GART: variants seen among roughly 807,000 people sequenced by gnomAD.
GART encodes phosphoribosylglycinamide formyltransferase, phosphoribosylglycinamide synthetase, phosphoribosylaminoimidazole synthetase.
Under a neutral mutation model 107.2 loss-of-function variants are expected in GART, and 43 were observed. The ratio of observed to expected loss-of-function variants is 0.40; its 90% CI spans 0.31 to 0.52. GART has a LOEUF of 0.52. Ranked by LOEUF, GART falls within the 20% of genes least tolerant of loss-of-function variation. The probability of loss-of-function intolerance (pLI) is 0.52; values close to 1 mark genes in which losing one functional copy is unlikely to be tolerated. For synonymous variants in GART, 434 were observed against 427.0 expected (o/e 1.02, Z -0.20); for missense variants, 1,107 against 1,206.5 (o/e 0.92, Z 1.22).
At position 33,530,127 on chromosome 21, in the gene GART, G is replaced by A. The variant is rs145570838; in HGVS notation, c.723+632C>T. Among the ~76,000 whole-genome samples, 521 of 152,360 alleles carry A rather than the reference G, an allele frequency of 3.4e-3. 1 individual carries two copies. Among genetic ancestry groups the A allele is most frequent in the Non-Finnish European group, 5.0e-3 (337 of 68,034 alleles). On this transcript the variant is annotated intron_variant, in intron 7 of 21. Coordinates refer to ENST00000381815, the MANE Select transcript of GART (RefSeq NM_000819.5). ...GAATCACTTGAACCCAGGAGGTGGA[G>A]GATGTAGTGAGCCAAGATCGTGCCA... is the stretch of plus-strand genomic sequence containing the variant.
intron 16 of GART, among the ~76,000 whole-genome samples, chr21:33,515,522 C>G (rs1012546048): frequency 1.3e-5 from 2 of 151,946 alleles, no homozygotes; most frequent in African/African-American, 4.8e-5. Context: ...CACCTGTAGT[C>G]CCAGCTACTT....
intron 7 of GART, among the ~76,000 whole-genome samples, chr21:33,530,376 T>C (rs2085161554): frequency 6.6e-6 from 1 of 152,206 alleles, no homozygotes; most frequent in South Asian, 2.1e-4. Context: ...AATTCTGATG[T>C]GACTTGGTTC....
chr21:33,510,014 T>C (rs1415506164), intron 17 of GART, 94 bp from the exon 18 acceptor site: 5 of 1,128,730 alleles, frequency 4.4e-6, no homozygotes, highest in East Asian at 5.0e-5. Context: ...CTTTAGGGTA[T>C]GTTTTATCCT....
intron 10 of GART, among the ~76,000 whole-genome samples, chr21:33,526,950 T>TCA (rs969051811): frequency 2.0e-5 from 3 of 152,232 alleles, no homozygotes; most frequent in African/African-American, 7.2e-5. Context: ...TGAGTGTTTT[T>TCA]ACAACACAAA....
At chr21:33,540,470 C>T (rs1017088857) in intron 1 of GART, among the ~76,000 whole-genome samples, 9 of 152,178 alleles carry the variant, frequency 5.9e-5, no homozygotes, top group Admixed American at 5.9e-4. Flanking sequence ...GTATGTGGGC[C>T]ATAGTTTGCT....
chr21:33,515,652 CAAAAAA>C (rs71194850), intron 16 of GART, among the ~76,000 whole-genome samples: 2 of 35,878 alleles, frequency 5.6e-5, no homozygotes, highest in African/African-American at 1.3e-4. Flanking sequence ...GACTCCAACT[CAAAAAA>C]AAAAAAAAAA....
At chr21:33,532,245 A>C in intron 5 of GART, 100 bp downstream of exon 5, 1 of 804,056 alleles carries the variant, frequency 1.2e-6, no homozygotes, top group Non-Finnish European at 2.1e-6. Flanking sequence ...ATATGTTTGC[A>C]AAATAGATTT....
chr21:33,535,321 C>T lies in GART; in HGVS notation c.146-1G>A. 3.4e-6 allele frequency: 2 copies of T among 592,014 alleles called. No individual in the cohort carries two copies. Among genetic ancestry groups the T allele is most frequent in the Non-Finnish European group, 5.6e-6 (2 of 359,470 alleles). The allele number at this position is 592,014 out of a possible 1,614,324, so 36.7% of individuals were successfully genotyped here. A position where few individuals can be genotyped will look rare whatever the true frequency, so the allele number is the denominator to read the frequency against. On this transcript the variant is annotated splice_acceptor_variant, in intron 2 of 21. Transcript: ENST00000381815. LOFTEE classifies it high-confidence loss of function. The stretch of plus-strand genomic sequence containing the variant: ...GCAGTGTGGTCACTGATTGAGATGG[C>T]TGTAAACAGAAAAAAAAAAAAAAAA...
At chr21:33,530,024 T>C (rs2085153661) in intron 7 of GART, among the ~76,000 whole-genome samples, 2 of 151,912 alleles carry the variant, frequency 1.3e-5, no homozygotes, top group Non-Finnish European at 2.9e-5. Context: ...AAACCCCATC[T>C]CTACTAAAAA....
At chr21:33,542,286 C>T (rs984865892), upstream of GART, 1 of 152,280 alleles carries the variant, frequency 6.6e-6, no homozygotes, top group African/African-American at 2.4e-5. Context: ...GACACCCAAG[C>T]CTTAGCACGT....
chr21:33,542,600 C>CG (rs2085472320), upstream of GART: 1 of 157,828 alleles, frequency 6.3e-6, no homozygotes, highest in Non-Finnish European at 1.4e-5. Flanking sequence ...CCAGTGGGGG[C>CG]GGGGGCTGAA....
chr21:33,512,593 T>C (rs1359615701), intron 16 of GART, among the ~76,000 whole-genome samples: 1 of 150,700 alleles, frequency 6.6e-6, no homozygotes, highest in Non-Finnish European at 1.5e-5. Context: ...TATTGGATAA[T>C]TTTTTTTTTC....
At chr21:33,506,587 A>T (rs2084687051) in intron 18 of GART, among the ~76,000 whole-genome samples, 2 of 152,232 alleles carry the variant, frequency 1.3e-5, no homozygotes, top group Admixed American at 6.5e-5. Context: ...ATATGGAAAA[A>T]GCTTCTGTAT....
intron 4 of GART, among the ~76,000 whole-genome samples, chr21:33,534,104 G>C (rs1459349489): frequency 6.6e-6 from 1 of 152,094 alleles, no homozygotes; most frequent in Non-Finnish European, 1.5e-5. Flanking sequence ...TCTGGAAAAC[G>C]ACAACCCACA....
rs1480731703 is a variant in GART, at chr21:33,508,800, C to T, written c.2452+983G>A. On this transcript the variant is annotated intron_variant, in intron 18 of 21. Transcript: ENST00000381815. ...AAAGTGCTAGGATTACAGGCGTGAG[C>T]CACAGCACCCGGCCCTATTGTTTCC... 2.0e-5 allele frequency among the ~76,000 whole-genome samples: 3 copies of T among 152,168 alleles called. No individual in the cohort carries two copies. The East Asian group carries it at 5.8e-4, about 29-fold the overall frequency.
At chr21:33,517,229 A>AC in intron 15 of GART, 88 bp from the exon 16 acceptor site, 1 of 1,558,348 alleles carries the variant, frequency 6.4e-7, no homozygotes, top group Admixed American at 1.8e-5. Flanking sequence ...CACCAGCTCT[A>AC]CAATAATGAC....
At chr21:33,510,908 CAG>C (rs1339112847) in intron 17 of GART, among the ~76,000 whole-genome samples, 1 of 152,178 alleles carries the variant, frequency 6.6e-6, no homozygotes, top group Non-Finnish European at 1.5e-5. Flanking sequence ...GCACTTCTCG[CAG>C]AGTCCTGACT....
chr21:33,531,665 G>T, intron 5 of GART, 108 bp from the exon 6 acceptor site: 1 of 949,628 alleles, frequency 1.1e-6, no homozygotes, highest in Non-Finnish European at 1.6e-6. Flanking sequence ...ATGAACCAGT[G>T]AGTACTGTAA....
chr21:33,505,499 A>T, intron 20 of GART, 62 bp downstream of exon 20: 2 of 1,436,950 alleles, frequency 1.4e-6, no homozygotes, highest in Non-Finnish European at 1.9e-6. Context: ...TTGGCAAGTT[A>T]TCTGTTCTGG....
Sources: gnomAD v4.1 joint callset for allele counts (sites outside exome capture counted in the v4.1 genomes callset) on GRCh38, gnomAD v4.1.1 for gene constraint, MANE v1.5 for transcripts, NCBI Gene and HGNC (gene_info 2026-07-23, HGNC 2026-07-21) for gene names.